Variants in NAV3 observed in about 807,000 individuals in gnomAD.
NAV3 encodes neuron navigator 3.
In NAV3, 87 loss-of-function variants were observed where a neutral mutation model predicts 244.7. That is an observed-to-expected ratio of 0.36 (90% CI 0.30 to 0.42). The LOEUF is 0.42. Among genes scored for constraint, NAV3 ranks in the 20% least tolerant of loss-of-function variants. The pLI is 1.00. For synonymous variants in NAV3, 1,126 were observed against 1,042.2 expected, an observed-to-expected ratio of 1.08 and a Z score of -1.55; for missense variants, 2,663 against 2,893.3, an observed-to-expected ratio of 0.92 and a Z score of 1.83.
chr12:78,065,310 G>A (rs186919572), intron 12 of NAV3, among the ~76,000 whole-genome samples: 1 of 152,266 alleles, frequency 6.6e-6, no homozygotes, highest in East Asian at 1.9e-4. Context: ...GCATCACTCA[G>A]TAGAGCTGGC....
At chr12:77,884,246 G>T (rs1024886095) in intron 1 of NAV3, among the ~76,000 whole-genome samples, 3 of 152,090 alleles carry the variant, frequency 2.0e-5, no homozygotes, top group Admixed American at 2.0e-4. Context: ...ATGGATGGTT[G>T]GATGGATAGA....
At chr12:77,669,041 G>A (rs1007356314) in intron 2 of NAV3, among the ~76,000 whole-genome samples, 1 of 152,116 alleles carries the variant, frequency 6.6e-6, no homozygotes, top group Non-Finnish European at 1.5e-5. Flanking sequence ...TTTGTATCCA[G>A]CAAATCTAAG....
At chr12:77,735,863 A>C (rs918656235) in intron 2 of NAV3, among the ~76,000 whole-genome samples, 1 of 152,206 alleles carries the variant, frequency 6.6e-6, no homozygotes, top group African/African-American at 2.4e-5. Context: ...TAAAACATAT[A>C]TTTAGAAAGA....
At chr12:77,968,123 A>G (rs899030633) in intron 4 of NAV3, among the ~76,000 whole-genome samples, 2 of 152,328 alleles carry the variant, frequency 1.3e-5, no homozygotes, top group African/African-American at 4.8e-5. Flanking sequence ...TTCTTTCTCC[A>G]GTTCGTAGCC....
At chr12:77,638,993 A>T (rs1238413813) in intron 2 of NAV3, among the ~76,000 whole-genome samples, 4 of 152,126 alleles carry the variant, frequency 2.6e-5, no homozygotes, top group African/African-American at 9.7e-5. Flanking sequence ...CTATTTAAAG[A>T]TCATAGGGGT....
intron 2 of NAV3, among the ~76,000 whole-genome samples, chr12:77,602,901 A>G (rs1434646177): frequency 6.6e-6 from 1 of 152,052 alleles, no homozygotes; most frequent in Non-Finnish European, 1.5e-5. Context: ...AGGGAATTCC[A>G]AGAAATTGTG....
chr12:77,602,868 G>A (rs1870501268), intron 2 of NAV3, among the ~76,000 whole-genome samples: 1 of 151,886 alleles, frequency 6.6e-6, no homozygotes, highest in African/African-American at 2.4e-5. Flanking sequence ...CTTTATTCAT[G>A]GGAATCAAAG....
intron 8 of NAV3, among the ~76,000 whole-genome samples, chr12:78,013,126 T>G (rs1875593285): frequency 6.6e-6 from 1 of 152,168 alleles, no homozygotes; most frequent in African/African-American, 2.4e-5. Context: ...AAACCATACC[T>G]TCTCTTCAGC....
intron 1 of NAV3, among the ~76,000 whole-genome samples, chr12:77,868,351 A>G (rs1432038334): frequency 2.0e-5 from 3 of 152,108 alleles, no homozygotes; most frequent in African/African-American, 4.8e-5. Flanking sequence ...ATTTTATCTT[A>G]TTTTATTTTA....
intron 2 of NAV3, among the ~76,000 whole-genome samples, chr12:77,689,538 T>G (rs1316388329): frequency 6.6e-6 from 1 of 151,894 alleles, no homozygotes; most frequent in Admixed American, 6.6e-5. Flanking sequence ...AACTCAAAAC[T>G]TTTAAAGGAG....
At chr12:77,902,465 T>G (rs1885418675) in intron 1 of NAV3, among the ~76,000 whole-genome samples, 1 of 152,230 alleles carries the variant, frequency 6.6e-6, no homozygotes, top group South Asian at 2.1e-4. Flanking sequence ...CTTTTCTGCA[T>G]CTATTGAGAC....
chr12:78,108,509 G>T (rs979491013), intron 12 of NAV3, among the ~76,000 whole-genome samples: 1 of 152,016 alleles, frequency 6.6e-6, no homozygotes, highest in African/African-American at 2.4e-5. Flanking sequence ...TGAAATTTGT[G>T]TCATCAGCAC....
At chr12:77,625,390 T>G (rs1871572596) in intron 2 of NAV3, among the ~76,000 whole-genome samples, 1 of 152,160 alleles carries the variant, frequency 6.6e-6, no homozygotes, top group African/African-American at 2.4e-5. Flanking sequence ...AAATACTTTG[T>G]GGAAGAAAGA....
chr12:77,813,864 A>G (rs1291165076), intron 2 of NAV3, among the ~76,000 whole-genome samples: 1 of 152,184 alleles, frequency 6.6e-6, no homozygotes, highest in African/African-American at 2.4e-5. Context: ...CATTTATTTC[A>G]GTATGGTTTT....
At chr12:78,174,363 C>T (rs1017595640) in intron 24 of NAV3, among the ~76,000 whole-genome samples, 30 of 151,802 alleles carry the variant, frequency 2.0e-4, no homozygotes, top group African/African-American at 7.0e-4. Context: ...GCACTGCCTG[C>T]TCTTAGAAGT....
intron 12 of NAV3, among the ~76,000 whole-genome samples, chr12:78,068,771 G>A (rs1952608188): frequency 6.6e-6 from 1 of 150,922 alleles, no homozygotes; most frequent in Admixed American, 6.6e-5. Context: ...ATGGAAGAGG[G>A]AGAAATATGT....
intron 4 of NAV3, 49 bp from the exon 5 acceptor site, chr12:77,968,470 G>T (rs552049692): frequency 1.4e-6 from 2 of 1,416,606 alleles, no homozygotes; most frequent in Admixed American, 1.8e-5. Flanking sequence ...TTGTTAAAAA[G>T]GACATTAAAT....
At chr12:78,001,662 AAT>A (rs1221067546) in intron 7 of NAV3, among the ~76,000 whole-genome samples, 3 of 152,240 alleles carry the variant, frequency 2.0e-5, no homozygotes, top group Non-Finnish European at 4.4e-5. Flanking sequence ...AATTTGAAAA[AAT>A]AGTGTGCTCG....
chr12:77,942,053 A>G (rs1178358664), intron 3 of NAV3, among the ~76,000 whole-genome samples: 1 of 152,242 alleles, frequency 6.6e-6, no homozygotes, highest in Non-Finnish European at 1.5e-5. Flanking sequence ...ATTTATTTCT[A>G]AAAGTGATTA....
Sources: gnomAD v4.1 joint callset for allele counts (sites outside exome capture counted in the v4.1 genomes callset) on GRCh38, gnomAD v4.1.1 for gene constraint, MANE v1.5 for transcripts, NCBI Gene and HGNC (gene_info 2026-07-23, HGNC 2026-07-21) for gene names.